LMNA: variants seen among roughly 807,000 people sequenced by gnomAD.
The protein encoded by LMNA is lamin A/C, also known as lamin.
LMNA carries 20 observed loss-of-function variants against 70.4 expected under a neutral mutation model. That is an observed-to-expected ratio of 0.28 (90% CI 0.20 to 0.41). The LOEUF (loss-of-function observed/expected upper bound fraction) is 0.41. Ranked by LOEUF, LMNA falls within the 10% of genes least tolerant of loss-of-function variation. The pLI is 1.00. For missense variants in LMNA, 652 were observed against 917.2 expected (o/e 0.71, Z 3.73); for synonymous variants, 339 against 372.8 (o/e 0.91, Z 1.04).
chr1:156,116,154 C>T (rs890894955), intron 1 of LMNA, among the ~76,000 whole-genome samples: 10 of 152,218 alleles, frequency 6.6e-5, no homozygotes, highest in African/African-American at 2.4e-4. Context: ...GGGGCACTGT[C>T]CTTCCCTCCT....
At position 156,084,453 on chromosome 1, in the gene LMNA, C is replaced by T. The variant is rs567660742; in HGVS notation, c.-319+1269C>T. Among the ~76,000 whole-genome samples, 7 of 151,944 alleles carry T rather than the reference C, an allele frequency of 4.6e-5. No individual in the cohort carries two copies. The East Asian group carries it at 1.4e-3, about 29-fold the overall frequency. Reference sequence around the variant, plus strand: ...TCCTGGAGTTGGGGAAGTTTGCCCCCTGGACTGGGGATTTAACATAAGATC... The same window carrying T: ...TCCTGGAGTTGGGGAAGTTTGCCCCTTGGACTGGGGATTTAACATAAGATC... On this transcript the variant is annotated intron_variant, in intron 2 of 12. Transcript: ENST00000368301.
upstream of LMNA, among the ~76,000 whole-genome samples, chr1:156,112,904 T>C (rs1026438687): frequency 6.6e-6 from 1 of 152,164 alleles, no homozygotes; most frequent in African/African-American, 2.4e-5. Context: ...CATAATTTGA[T>C]TTCCCTGGTT....
intron 2 of LMNA, chr1:156,083,529 G>A: frequency 6.5e-6 from 1 of 152,694 alleles, no homozygotes. Context: ...AGGGCCGGGC[G>A]CGGTGGCTCA....
intron 3 of LMNA, among the ~76,000 whole-genome samples, chr1:156,108,318 A>T (rs1033166102): frequency 6.6e-6 from 1 of 152,098 alleles, no homozygotes; most frequent in African/African-American, 2.4e-5. Context: ...TCAAGAACTC[A>T]CTATAAAGAG....
chr1:156,128,776 C>T (rs574554221), intron 1 of LMNA, among the ~76,000 whole-genome samples: 30 of 152,218 alleles, frequency 2.0e-4, no homozygotes, highest in Non-Finnish European at 3.2e-4. Context: ...CAACTCTAAG[C>T]TCCTTCTAGT....
rs770335541 is a variant in LMNA at position 156,138,675 on chromosome 1, T to TG, written c.1892dup (p.Ser632GlnfsTer72). 6.2e-7 allele frequency: 1 copy of TG among 1,613,616 alleles called. No individual in the cohort carries two copies. Among genetic ancestry groups the TG allele is most frequent in the South Asian group, 1.1e-5 (1 of 91,068 alleles). On this transcript the variant is annotated frameshift_variant, in exon 11 of 12. Transcript: ENST00000368300. LOFTEE classifies it high-confidence loss of function. This position sits in a 1 kb window ranked among gnomAD's most constrained non-coding sequence, Gnocchi z 5.5. ...ACGGTCACTCGCAGCTACCGCAGTGTGGGGGGCAGTGGGGGTGGCAGCTTC... is the reference window on the plus strand; with the variant it reads ...ACGGTCACTCGCAGCTACCGCAGTGTGGGGGGGCAGTGGGGGTGGCAGCTTC...
At position 156,137,366 on chromosome 1, in the gene LMNA, T is replaced by C; in HGVS notation, c.1608+134T>C. ...AGCTCTCTGTTGCAGGCTCCAGACT[T>C]CTCCACCCAGTAGGCAAACCAAAAG... On this transcript the variant is annotated intron_variant, in intron 9 of 11. Transcript: ENST00000368300. The surrounding 1 kb of genome is among the most constrained non-coding windows in gnomAD (Gnocchi z 4.6). The C allele has an allele frequency of 8.3e-7, 1 of 1,210,538 alleles. No individual in the cohort carries two copies. Among genetic ancestry groups the C allele is most frequent in the Non-Finnish European group, 1.2e-6 (1 of 854,494 alleles). The allele number at this position is 1,210,538 out of a possible 1,614,324, so 75.0% of individuals were successfully genotyped here.
rs1651431942 is a variant in LMNA, at chr1:156,135,067, ATGG to A, written c.810+96_810+98del. 5 of 1,610,260 alleles carry A rather than the reference ATGG, an allele frequency of 3.1e-6. No homozygotes were observed. The African/African-American group carries it at 4.0e-5, about 13-fold the overall frequency. ...GCTATGCCTTCTGGGGATCAGGCAG[ATGG>A]TGGCAGGGAGCTCAGGGTGGCCCAG... is the stretch of plus-strand genomic sequence containing the variant. On this transcript the variant is annotated intron_variant, in intron 4 of 11. Transcript: ENST00000368300. The surrounding 1 kb of genome is among the most constrained non-coding windows in gnomAD (Gnocchi z 4.8).
chr1:156,126,280 C>G, intron 1 of LMNA: 2 of 1,286,268 alleles, frequency 1.6e-6, no homozygotes, highest in Admixed American at 2.7e-5. Flanking sequence ...TGGGCCAGCT[C>G]CTCCACCTCC....
At chr1:156,088,528 A>G (rs1648570376) in intron 2 of LMNA, among the ~76,000 whole-genome samples, 1 of 152,172 alleles carries the variant, frequency 6.6e-6, no homozygotes, top group South Asian at 2.1e-4. Flanking sequence ...TTTGGGGTAG[A>G]GCACGGTGGC....
intron 1 of LMNA, among the ~76,000 whole-genome samples, chr1:156,128,668 T>A (rs1650788591): frequency 6.6e-6 from 1 of 152,386 alleles, no homozygotes; most frequent in Middle Eastern, 3.4e-3. Context: ...TTGACTGGAA[T>A]GCTGCTGCTG....
intron 3 of LMNA, among the ~76,000 whole-genome samples, chr1:156,105,419 C>G (rs1458827288): frequency 6.6e-6 from 1 of 152,022 alleles, no homozygotes; most frequent in Admixed American, 6.6e-5. Context: ...TACTTGGCAG[C>G]CCCCCTCCCC....
Position 156,136,663 on chromosome 1 carries a change from T to C in LMNA, c.1380+227T>C. On this transcript the variant is annotated intron_variant, in intron 7 of 11. Transcript: ENST00000368300. The surrounding 1 kb of genome is among the most constrained non-coding windows in gnomAD (Gnocchi z 6.1). Reference sequence around the variant, plus strand: ...CTCAGAGCATCAGTTTCCTCATCTGTAAAATGGGGATGAATACTGATCCCT... The same window carrying C: ...CTCAGAGCATCAGTTTCCTCATCTGCAAAATGGGGATGAATACTGATCCCT... The C allele has an allele frequency of 1.5e-6, 1 of 666,096 alleles. No individual in the cohort carries two copies. The highest frequency in any genetic ancestry group is 2.7e-6 in the Non-Finnish European group (1 of 373,990). The allele number at this position is 666,096 out of a possible 1,614,324, so 41.3% of individuals were successfully genotyped here. A position where few individuals can be genotyped will look rare whatever the true frequency, so the allele number is the denominator to read the frequency against.
intron 3 of LMNA, among the ~76,000 whole-genome samples, chr1:156,101,654 G>T (rs1173289911): frequency 3.4e-5 from 5 of 145,764 alleles, no homozygotes; most frequent in South Asian, 2.3e-4. Flanking sequence ...GAGGGAGGGA[G>T]GGAGGGAGGG....
chr1:156,130,043 T>C, intron 1 of LMNA: 1 of 610,886 alleles, frequency 1.6e-6, no homozygotes, highest in Non-Finnish European at 3.0e-6. Flanking sequence ...CTGGTCATCC[T>C]TGTCTGAGGT....
rs1033570582 is a variant in LMNA at position 156,139,993 on chromosome 1, G to T, written c.*887G>T. On this transcript the variant is annotated 3_prime_UTR_variant, in exon 12 of 12. Coordinates refer to ENST00000368300, the MANE Select transcript of LMNA (RefSeq NM_170707.4). The stretch of plus-strand genomic sequence containing the variant: ...GAGGGGGTGGAGGGGTGTGGCAGTG[G>T]TTTTGGCAAACGCTAAAGAGCCCTT... 1 of 653,856 alleles carries T rather than the reference G, an allele frequency of 1.5e-6. No individual in the cohort carries two copies. Among genetic ancestry groups the T allele is most frequent in the Non-Finnish European group, 2.5e-6 (1 of 405,652 alleles). The allele number at this position is 653,856 out of a possible 1,614,324, so 40.5% of individuals were successfully genotyped here. A position where few individuals can be genotyped will look rare whatever the true frequency, so the allele number is the denominator to read the frequency against.
At chr1:156,122,624 G>A (rs564649490) in intron 1 of LMNA, among the ~76,000 whole-genome samples, 4 of 152,326 alleles carry the variant, frequency 2.6e-5, no homozygotes, top group African/African-American at 4.8e-5. Flanking sequence ...CCTTCTGGAC[G>A]GTGGAAAGGG....
At chr1:156,083,892 C>A (rs965041849) in intron 2 of LMNA, among the ~76,000 whole-genome samples, 1 of 152,162 alleles carries the variant, frequency 6.6e-6, no homozygotes. Flanking sequence ...GAGTTAGGCA[C>A]TTTTAGAGTT....
intron 3 of LMNA, among the ~76,000 whole-genome samples, chr1:156,092,507 C>T (rs910003349): frequency 7.2e-5 from 11 of 151,780 alleles, no homozygotes; most frequent in Admixed American, 1.3e-4. Flanking sequence ...GGCAAAACCC[C>T]GTCTCTACAA....
Sources: allele counts gnomAD v4.1 joint callset (sites outside exome capture counted in the v4.1 genomes callset), GRCh38; gene constraint gnomAD v4.1.1; non-coding constraint Gnocchi (gnomAD v3.1); transcripts MANE v1.5; gene names NCBI Gene and HGNC (gene_info 2026-07-23, HGNC 2026-07-21).